The following RPS6KC1 variants were observed in gnomAD, a reference collection of about 807,000 sequenced individuals.
The protein encoded by RPS6KC1 is inactive ribosomal protein S6 kinase delta-1.
In RPS6KC1, 54 loss-of-function variants were observed where a neutral mutation model predicts 103.8. The observed-to-expected ratio is 0.52, with a 90% CI of 0.42 to 0.65. RPS6KC1 has a LOEUF of 0.65. Ranked by LOEUF, RPS6KC1 falls within the 30% of genes least tolerant of loss-of-function variation. The pLI is 0.00. For missense variants in RPS6KC1, 1,151 were observed against 1,253.8 expected, an observed-to-expected ratio of 0.92 and a Z score of 1.24; for synonymous variants, 439 against 438.7, an observed-to-expected ratio of 1.00 and a Z score of -0.01.
At chr1:213,522,415 G>C in the RPS6KC1 span, among the ~76,000 whole-genome samples, 3 of 152,178 alleles carry the variant, frequency 2.0e-5, no homozygotes, top group African/African-American at 7.2e-5. Flanking sequence ...AGGATTTTTA[G>C]AATGGTCAAT....
chr1:213,350,666 A>G, the RPS6KC1 span, among the ~76,000 whole-genome samples: 12 of 152,212 alleles, frequency 7.9e-5, no homozygotes, highest in Non-Finnish European at 1.6e-4. Flanking sequence ...TTTTTCTCAG[A>G]TTATAAAAGT....
At chr1:213,383,383 C>A in the RPS6KC1 span, among the ~76,000 whole-genome samples, 1 of 152,204 alleles carries the variant, frequency 6.6e-6, no homozygotes, top group Non-Finnish European at 1.5e-5. Context: ...CCTCGAGGGG[C>A]TCTTTGGGAG....
At chr1:213,217,103 A>G (rs1482906207) in intron 8 of RPS6KC1, among the ~76,000 whole-genome samples, 1 of 151,774 alleles carries the variant, frequency 6.6e-6, no homozygotes, top group Non-Finnish European at 1.5e-5. Flanking sequence ...TGAAAAGATC[A>G]ACAAAATTGA....
At chr1:213,328,169 G>A in the RPS6KC1 span, among the ~76,000 whole-genome samples, 2 of 152,074 alleles carry the variant, frequency 1.3e-5, no homozygotes, top group African/African-American at 2.4e-5. Context: ...TCTCTATCTG[G>A]CTTTCAATAG....
the RPS6KC1 span, among the ~76,000 whole-genome samples, chr1:213,499,880 A>G: frequency 6.6e-6 from 1 of 152,244 alleles, no homozygotes; most frequent in Non-Finnish European, 1.5e-5. Context: ...AAAATACCAT[A>G]TAAGGGATTA....
rs2085387471 is a variant in RPS6KC1 at position 213,129,783 on chromosome 1, A to G, written c.729A>G (p.Ala243=). 6.2e-7 allele frequency: 1 copy of G among 1,614,110 alleles called. No homozygotes were observed. Among genetic ancestry groups the G allele is most frequent in the Non-Finnish European group, 8.5e-7 (1 of 1,179,980 alleles). The change falls in exon 6 of 15, where the codon GCA becomes GCG. Residue 243 remains alanine, a synonymous_variant. Transcript: ENST00000366960. ...GCAAGAGAGATTATTTGGAGAAAGC[A>G]GGAGAATTAATAAAGCTGGCTTTAA... is the stretch of plus-strand genomic sequence containing the variant. The part of the protein sequence containing the change: ...KLGKRDYLEK[A]GELIKLALKK...
chr1:213,345,052 G>A, the RPS6KC1 span, among the ~76,000 whole-genome samples: 1 of 152,104 alleles, frequency 6.6e-6, no homozygotes, highest in Non-Finnish European at 1.5e-5. Flanking sequence ...ATGACAGAGG[G>A]TCATATATCT....
At chr1:213,317,748 C>T in the RPS6KC1 span, among the ~76,000 whole-genome samples, 1 of 152,226 alleles carries the variant, frequency 6.6e-6, no homozygotes, top group Non-Finnish European at 1.5e-5. Context: ...CCAGCAGTCA[C>T]TGTTATTGGT....
At chr1:213,625,154 A>G in the RPS6KC1 span, among the ~76,000 whole-genome samples, 1 of 152,000 alleles carries the variant, frequency 6.6e-6, no homozygotes, top group East Asian at 1.9e-4. Context: ...ACGCCTGGCC[A>G]AAAGTTATTT....
chr1:213,622,235 C>CTTTTT, the RPS6KC1 span, among the ~76,000 whole-genome samples: 30 of 144,906 alleles, frequency 2.1e-4, no homozygotes, highest in African/African-American at 5.1e-4. Context: ...CAAGTAATGT[C>CTTTTT]TTTTTTTTTT....
chr1:213,721,603 A>G, the RPS6KC1 span, among the ~76,000 whole-genome samples: 2 of 152,146 alleles, frequency 1.3e-5, no homozygotes, highest in African/African-American at 4.8e-5. Context: ...TATCAGAAGC[A>G]TGAAAACAGA....
At chr1:213,485,717 A>T in the RPS6KC1 span, among the ~76,000 whole-genome samples, 1 of 152,178 alleles carries the variant, frequency 6.6e-6, no homozygotes, top group African/African-American at 2.4e-5. Context: ...GTAGATGTTC[A>T]TGGGGTGCTA....
chr1:213,780,504 C>A, the RPS6KC1 span, among the ~76,000 whole-genome samples: 4 of 152,138 alleles, frequency 2.6e-5, no homozygotes, highest in African/African-American at 9.7e-5. Flanking sequence ...ACTTTACAAC[C>A]CGATTATATT....
chr1:213,862,646 G>A, the RPS6KC1 span, among the ~76,000 whole-genome samples: 45 of 151,888 alleles, frequency 3.0e-4, no homozygotes, highest in Admixed American at 7.9e-4. Context: ...ATTTTGCATT[G>A]AGAACTCAAA....
chr1:213,186,582 T>G (rs1465782057), intron 8 of RPS6KC1, among the ~76,000 whole-genome samples: 1 of 152,196 alleles, frequency 6.6e-6, no homozygotes, highest in Non-Finnish European at 1.5e-5. Flanking sequence ...GAACCTATTT[T>G]GTGTTCTGAG....
chr1:213,801,576 G>T, the RPS6KC1 span, among the ~76,000 whole-genome samples: 4 of 152,116 alleles, frequency 2.6e-5, no homozygotes, highest in Non-Finnish European at 5.9e-5. Flanking sequence ...TGTGCATTTG[G>T]GATTTATTAA....
the RPS6KC1 span, among the ~76,000 whole-genome samples, chr1:213,791,130 G>A: frequency 6.6e-6 from 1 of 151,366 alleles, no homozygotes; most frequent in Non-Finnish European, 1.5e-5. Context: ...TTGGCTCATT[G>A]TCTTTCATAG....
rs141747104 is a variant in RPS6KC1 at position 213,084,169 on chromosome 1, C to G, written c.262+6353C>G. Among the ~76,000 whole-genome samples, 168 of 152,122 alleles carry G rather than the reference C, an allele frequency of 1.1e-3. 1 individual carries two copies. Among genetic ancestry groups the G allele is most frequent in the Admixed American group, 2.1e-3 (32 of 15,274 alleles). On this transcript the variant is annotated intron_variant, in intron 3 of 14. Transcript: ENST00000366960. ...CTTTCCCTCTCTTCCTCTGTCTCCT[C>G]TCTCTCTCCCTCTTCCCCTTTCTCC...
chr1:213,583,361 T>C, the RPS6KC1 span, among the ~76,000 whole-genome samples: 1 of 152,202 alleles, frequency 6.6e-6, no homozygotes, highest in African/African-American at 2.4e-5. Context: ...GTTGAACCAT[T>C]TCCTATTGCA....
Sources: gnomAD v4.1 joint callset for allele counts (sites outside exome capture counted in the v4.1 genomes callset) on GRCh38, gnomAD v4.1.1 for gene constraint, MANE v1.5 for transcripts, NCBI Gene and HGNC (gene_info 2026-07-23, HGNC 2026-07-21) for gene names.